Variants in TRPM3 observed in about 807,000 individuals in gnomAD.
The protein encoded by TRPM3 is transient receptor potential cation channel subfamily M member 3.
Under a neutral mutation model 181.2 loss-of-function variants are expected in TRPM3, and 77 were observed. The observed-to-expected ratio is 0.42, with a 90% CI of 0.35 to 0.51. The LOEUF is 0.51. TRPM3 is among the 20% of genes least tolerant of loss of function. The probability of loss-of-function intolerance (pLI) is 0.01; values close to 1 mark genes in which losing one functional copy is unlikely to be tolerated. For missense variants in TRPM3, 1,759 were observed against 2,196.7 expected, an observed-to-expected ratio of 0.80 and a Z score of 3.98; for synonymous variants, 745 against 796.4, an observed-to-expected ratio of 0.94 and a Z score of 1.09.
intron 1 of TRPM3, among the ~76,000 whole-genome samples, chr9:70,915,516 A>G (rs574490870): frequency 3.3e-5 from 5 of 151,112 alleles, no homozygotes; most frequent in South Asian, 4.2e-4. Flanking sequence ...CGTGTTAGCC[A>G]GGATGGTCTT....
intron 1 of TRPM3, among the ~76,000 whole-genome samples, chr9:71,200,834 C>T (rs2078736402): frequency 1.3e-5 from 2 of 151,484 alleles, no homozygotes; most frequent in South Asian, 4.2e-4. Flanking sequence ...TCCAATTTGC[C>T]AGTCTGTGTC....
chr9:71,301,886 C>T (rs2086809098), intron 1 of TRPM3, among the ~76,000 whole-genome samples: 1 of 152,048 alleles, frequency 6.6e-6, no homozygotes, highest in Admixed American at 6.6e-5. Context: ...ATATTAAATT[C>T]CTTTCTATTT....
At chr9:70,605,550 G>C (rs941252319) in intron 19 of TRPM3, among the ~76,000 whole-genome samples, 3 of 151,936 alleles carry the variant, frequency 2.0e-5, no homozygotes, top group African/African-American at 7.3e-5. Flanking sequence ...TCATGAAGGA[G>C]TTTACTTAAA....
chr9:71,384,413 T>G (rs1565519969), intron 1 of TRPM3, among the ~76,000 whole-genome samples: 1 of 152,346 alleles, frequency 6.6e-6, no homozygotes, highest in African/African-American at 2.4e-5. Flanking sequence ...AAGATATTAA[T>G]TTGGCAAAGA....
intron 1 of TRPM3, among the ~76,000 whole-genome samples, chr9:71,060,428 A>G (rs2061184220): frequency 6.6e-6 from 1 of 152,136 alleles, no homozygotes; most frequent in Non-Finnish European, 1.5e-5. Context: ...TCAAATGTAT[A>G]ACATGCTAAG....
intron 1 of TRPM3, among the ~76,000 whole-genome samples, chr9:71,093,829 A>C (rs1172077087): frequency 6.6e-6 from 1 of 152,162 alleles, no homozygotes; most frequent in Non-Finnish European, 1.5e-5. Flanking sequence ...AAAGACTTGG[A>C]ACCAACCCAA....
chr9:70,542,934 G>A (rs2043853495), intron 25 of TRPM3, among the ~76,000 whole-genome samples: 1 of 152,054 alleles, frequency 6.6e-6, no homozygotes, highest in African/African-American at 2.4e-5. Flanking sequence ...AGTCCTTTGG[G>A]GTCACCTACC....
intron 1 of TRPM3, among the ~76,000 whole-genome samples, chr9:71,036,263 GCTT>G (rs779664659): frequency 1.3e-5 from 2 of 152,058 alleles, no homozygotes; most frequent in Non-Finnish European, 2.9e-5. Flanking sequence ...GACTGTAATT[GCTT>G]CTTATCCAGA....
intron 1 of TRPM3, among the ~76,000 whole-genome samples, chr9:70,915,472 T>A (rs9411027): frequency 0.047 from 7,121 of 151,138 alleles, 340 homozygotes; most frequent in African/African-American, 0.12. Context: ...TAATTTTTTT[T>A]TTTTTTTTAT....
chr9:70,896,352 T>C (rs912472878), intron 1 of TRPM3, among the ~76,000 whole-genome samples: 2 of 152,290 alleles, frequency 1.3e-5, no homozygotes, highest in Non-Finnish European at 2.9e-5. Flanking sequence ...TTTAATCTTA[T>C]AGACTTACTT....
At position 70,573,614 on chromosome 9, in the gene TRPM3, C is replaced by CA. The variant is rs374734275; in HGVS notation, c.3223+17416dup. Among the ~76,000 whole-genome samples the CA allele has an allele frequency of 2.4e-3, 362 of 151,118 alleles. 1 individual carries two copies. The highest frequency in any genetic ancestry group is 8.1e-3 in the African/African-American group (333 of 41,198). ...AAAAACAATCAGGGAGGGCAAAAAA[C>CA]AAAAAACAAAAAAACCAAAACAAAA... On this transcript the variant is annotated intron_variant, in intron 22 of 25. Coordinates refer to ENST00000677713, the MANE Select transcript of TRPM3 (RefSeq NM_001366145.2).
chr9:71,296,288 C>G (rs1006755843), intron 1 of TRPM3, among the ~76,000 whole-genome samples: 1 of 152,014 alleles, frequency 6.6e-6, no homozygotes, highest in Non-Finnish European at 1.5e-5. Flanking sequence ...AGGTCCCTAC[C>G]CCCTTGCAGC....
At chr9:71,357,184 T>C (rs1226492004) in intron 1 of TRPM3, among the ~76,000 whole-genome samples, 1 of 152,228 alleles carries the variant, frequency 6.6e-6, no homozygotes, top group Non-Finnish European at 1.5e-5. Flanking sequence ...CAAAGTTATG[T>C]CTTTGACTCA....
At chr9:71,389,275 T>C (rs1009612585) in intron 1 of TRPM3, among the ~76,000 whole-genome samples, 1 of 151,364 alleles carries the variant, frequency 6.6e-6, no homozygotes, top group Admixed American at 6.6e-5. Context: ...AAAACCACAA[T>C]GTGATACCCC....
intron 8 of TRPM3, among the ~76,000 whole-genome samples, chr9:70,684,903 T>G (rs955998078): frequency 6.6e-6 from 1 of 152,198 alleles, no homozygotes; most frequent in Non-Finnish European, 1.5e-5. Context: ...TTGGGAACGT[T>G]TTCCCCTTCA....
At chr9:70,993,943 G>A (rs745938255) in intron 1 of TRPM3, among the ~76,000 whole-genome samples, 2 of 152,106 alleles carry the variant, frequency 1.3e-5, no homozygotes, top group South Asian at 2.1e-4. Context: ...CTGGCCATCA[G>A]AGTCCCAATG....
intron 24 of TRPM3, among the ~76,000 whole-genome samples, chr9:70,551,364 C>G (rs1036128235): frequency 1.3e-5 from 2 of 152,208 alleles, no homozygotes; most frequent in South Asian, 4.1e-4. Flanking sequence ...TCTGAGAAAG[C>G]AGACATGGCT....
At chr9:70,646,800 GA>G (rs1304917878) in intron 9 of TRPM3, among the ~76,000 whole-genome samples, 1 of 129,740 alleles carries the variant, frequency 7.7e-6, no homozygotes, top group Non-Finnish European at 1.6e-5. Context: ...GACTAATAAA[GA>G]AAAAAGAGAG....
At chr9:70,555,993 T>A (rs2047601784) in intron 22 of TRPM3, among the ~76,000 whole-genome samples, 1 of 152,230 alleles carries the variant, frequency 6.6e-6, no homozygotes, top group Non-Finnish European at 1.5e-5. Context: ...AGCTCATTTA[T>A]CTTGCTCTTT....
Sources: allele counts gnomAD v4.1 joint callset (sites outside exome capture counted in the v4.1 genomes callset), GRCh38; gene constraint gnomAD v4.1.1; transcripts MANE v1.5; gene names NCBI Gene and HGNC (gene_info 2026-07-23, HGNC 2026-07-21).